NF1: variants seen among roughly 807,000 people sequenced by gnomAD.
The protein encoded by NF1 is neurofibromin 1, also known as neurofibromin.
In NF1, 122 loss-of-function variants were observed where a neutral mutation model predicts 325.7. That is an observed-to-expected ratio of 0.37 (90% CI 0.32 to 0.44). NF1 has a LOEUF of 0.44. Ranked by LOEUF, NF1 falls within the 20% of genes least tolerant of loss-of-function variation. NF1 has a pLI of 1.00. For synonymous variants in NF1, 1,091 were observed against 1,186.0 expected, an observed-to-expected ratio of 0.92 and a Z score of 1.65; for missense variants, 2,140 against 3,415.4, an observed-to-expected ratio of 0.63 and a Z score of 9.31.
In NF1 at chr17:31,374,238, C is replaced by G. The variant is rs959492651; in HGVS notation, c.*83C>G. On this transcript the variant is annotated 3_prime_UTR_variant, in exon 58 of 58. Transcript: ENST00000358273. The stretch of plus-strand genomic sequence containing the variant: ...CTTCCCTGTCCTTGCCCTTTCCCCC[C>G]ATGTTGTAATGCTGCACTTCCTGTT... The G allele has an allele frequency of 2.5e-6, 4 of 1,569,686 alleles. No homozygotes were observed. In the Admixed American group the frequency reaches 5.0e-5, roughly 20 times the overall value.
intron 1 of NF1, 83 bp from the exon 2 acceptor site, chr17:31,155,900 A>G (rs965650742): frequency 2.0e-6 from 3 of 1,509,126 alleles, no homozygotes; most frequent in Non-Finnish European, 1.8e-6. Flanking sequence ...CTAAAACGTC[A>G]TGATTTTCAA....
In NF1 at chr17:31,249,053, T is replaced by C. The variant is rs1315375188; in HGVS notation, c.4044T>C (p.His1348=). The change falls in exon 30 of 58, where the codon CAT becomes CAC. Residue 1348 remains histidine (H), a synonymous_variant. Coordinates refer to ENST00000358273, the MANE Select transcript of NF1 (RefSeq NM_001042492.3). ...NLLQMTEKFF[H]AIISSSSEFP... is the part of the protein sequence containing the mutation. The stretch of plus-strand genomic sequence containing the variant: ...TTCAGATGACTGAAAAGTTCTTCCA[T>C]GCCATCATCAGTTCCTCCTCAGAAT... 1 of 1,614,058 alleles carries C rather than the reference T, an allele frequency of 6.2e-7. No individual in the cohort carries two copies. The highest frequency in any genetic ancestry group is 8.5e-7 in the Non-Finnish European group (1 of 1,180,006).
At chr17:31,135,270 C>T (rs1427257703) in intron 1 of NF1, among the ~76,000 whole-genome samples, 3 of 151,800 alleles carry the variant, frequency 2.0e-5, no homozygotes, top group African/African-American at 7.3e-5. Flanking sequence ...CAATATCTTA[C>T]AGTTGATTTG....
rs16972128 is a variant in NF1, at chr17:31,265,375, T to C, written c.4835+36T>C. 2,183 of 1,478,388 alleles carry C rather than the reference T, an allele frequency of 1.5e-3. 29 individuals are homozygous for C. The African/African-American group carries it at 0.027, about 19-fold the overall frequency. 91.6% of individuals were successfully genotyped at this position (1,478,388 alleles called of 1,614,324 possible). A position where few individuals can be genotyped will look rare whatever the true frequency, so the allele number is the denominator to read the frequency against. On this transcript the variant is annotated intron_variant, in intron 36 of 57. Transcript: ENST00000358273. The stretch of plus-strand genomic sequence containing the variant: ...CTATGTTTTGGGTCTCTTAACAGAA[T>C]TTTTTAAATTATAGCAAATATAGAG...
rs372169318 is a variant in NF1 at position 31,368,360 on chromosome 17, G to A, written c.8378-5653G>A. Among the ~76,000 whole-genome samples, 20 of 152,046 alleles carry A rather than the reference G, an allele frequency of 1.3e-4. No individual in the cohort carries two copies. The East Asian group carries it at 1.5e-3, about 12-fold the overall frequency. ...TCACCATTTTGGCCAGGCTGGTCTC[G>A]AACTCCTGACCTCAAAGATCTGCCT... is the stretch of plus-strand genomic sequence containing the variant. On this transcript the variant is annotated intron_variant, in intron 57 of 57. Transcript: ENST00000358273.
At chr17:31,291,244 A>G (rs2068338374) in intron 36 of NF1, among the ~76,000 whole-genome samples, 1 of 152,114 alleles carries the variant, frequency 6.6e-6, no homozygotes, top group Non-Finnish European at 1.5e-5. Flanking sequence ...TGCTGACTAA[A>G]TATTTGTTGA....
intron 36 of NF1, chr17:31,318,017 C>T: frequency 3.0e-6 from 1 of 333,896 alleles, no homozygotes; most frequent in Non-Finnish European, 5.4e-6. Context: ...ATTTAATTAT[C>T]CCTTGCTATC....
At chr17:31,287,674 C>G (rs1305582622) in intron 36 of NF1, among the ~76,000 whole-genome samples, 4 of 151,960 alleles carry the variant, frequency 2.6e-5, no homozygotes, top group Non-Finnish European at 5.9e-5. Context: ...ATCCTCCCAC[C>G]TCAGCCTCCC....
intron 1 of NF1, chr17:31,136,695 A>G (rs1915810866): frequency 2.0e-5 from 3 of 152,198 alleles, no homozygotes; most frequent in African/African-American, 4.8e-5. Context: ...TTATATAGTA[A>G]TGGCCCCAAG....
chr17:31,333,411 A>G lies in NF1; in HGVS notation c.5813-1427A>G, dbSNP rs115274542. Among the ~76,000 whole-genome samples, 628 of 152,334 alleles carry G rather than the reference A, an allele frequency of 4.1e-3. 6 individuals carry two copies. Among genetic ancestry groups the G allele is most frequent in the African/African-American group, 0.014 (602 of 41,566 alleles). On this transcript the variant is annotated intron_variant, in intron 39 of 57. Coordinates refer to ENST00000358273, the MANE Select transcript of NF1 (RefSeq NM_001042492.3). ...TAAGTCAACAGCTTGATGAACTTCT[A>G]CATGCAAATACATCATGAAAGTATC...
chr17:31,340,696 T>G (rs759336866), intron 47 of NF1, 51 bp downstream of exon 47: 1 of 1,569,990 alleles, frequency 6.4e-7, no homozygotes, highest in Admixed American at 1.7e-5. Flanking sequence ...TTAGTACTCT[T>G]CCATCTTTTC....
intron 1 of NF1, among the ~76,000 whole-genome samples, chr17:31,108,566 G>C (rs1418840136): frequency 6.6e-6 from 1 of 152,104 alleles, no homozygotes; most frequent in Non-Finnish European, 1.5e-5. Flanking sequence ...GTGAGCCACT[G>C]CACATGGCCT....
At chr17:31,145,206 AT>A (rs1443237363) in intron 1 of NF1, among the ~76,000 whole-genome samples, 4 of 151,994 alleles carry the variant, frequency 2.6e-5, no homozygotes. Flanking sequence ...TCATTCATTC[AT>A]TTTGAGACAG....
At chr17:31,355,410 T>A (rs1170731808) in intron 51 of NF1, among the ~76,000 whole-genome samples, 1 of 152,192 alleles carries the variant, frequency 6.6e-6, no homozygotes, top group Non-Finnish European at 1.5e-5. Flanking sequence ...CCGGACTAGA[T>A]CCCTTTGGAC....
In NF1 at chr17:31,177,839, G is replaced by A. The variant is rs549290886; in HGVS notation, c.587-3583G>A. 8.6e-5 allele frequency among the ~76,000 whole-genome samples: 13 copies of A among 152,030 alleles called. No individual in the cohort carries two copies. The East Asian group carries it at 1.7e-3, about 20-fold the overall frequency. On this transcript the variant is annotated intron_variant, in intron 5 of 57. Coordinates refer to ENST00000358273, the MANE Select transcript of NF1 (RefSeq NM_001042492.3). Reference sequence around the variant, plus strand: ...TAGAGAAAAAAGAGTGAAAAGAAATGAACAAAGCCTCCAAGAAATATGGGA... The same window carrying A: ...TAGAGAAAAAAGAGTGAAAAGAAATAAACAAAGCCTCCAAGAAATATGGGA...
At chr17:31,155,852 A>G (rs945912612) in intron 1 of NF1, 131 bp from the exon 2 acceptor site, 10 of 1,003,444 alleles carry the variant, frequency 1.0e-5, no homozygotes, top group Non-Finnish European at 1.5e-5. Context: ...TCGGAGTTTG[A>G]GATGCAAGTA....
intron 57 of NF1, chr17:31,367,151 T>G (rs747474839): frequency 1.2e-6 from 1 of 854,072 alleles, no homozygotes; most frequent in Non-Finnish European, 1.7e-6. Flanking sequence ...ATCTAGTATC[T>G]AATTGTATTT....
At chr17:31,288,116 G>A (rs575197413) in intron 36 of NF1, among the ~76,000 whole-genome samples, 1 of 151,628 alleles carries the variant, frequency 6.6e-6, no homozygotes, top group Non-Finnish European at 1.5e-5. Context: ...ATAAAACATA[G>A]TTTTAAAAAT....
intron 7 of NF1, among the ~76,000 whole-genome samples, chr17:31,182,092 T>G (rs1342456048): frequency 1.3e-5 from 2 of 152,152 alleles, no homozygotes; most frequent in Non-Finnish European, 2.9e-5. Flanking sequence ...ATTTTGTATT[T>G]AGGGAGATGT....
Sources: allele counts gnomAD v4.1 joint callset (sites outside exome capture counted in the v4.1 genomes callset), GRCh38; gene constraint gnomAD v4.1.1; transcripts MANE v1.5; gene names NCBI Gene and HGNC (gene_info 2026-07-23, HGNC 2026-07-21).